Variants in CPQ observed in about 807,000 individuals in gnomAD.
CPQ encodes Ser-Met dipeptidase.
CPQ carries 37 observed loss-of-function variants against 45.7 expected under a neutral mutation model. That is an observed-to-expected ratio of 0.81 (90% confidence interval 0.62 to 1.07). The LOEUF is 1.07. Among genes scored for constraint, CPQ ranks in the 50% least tolerant of loss-of-function variants. The pLI, the probability that CPQ is intolerant of heterozygous loss-of-function variation, is 0.00. For missense variants in CPQ, 537 were observed against 572.9 expected, an observed-to-expected ratio of 0.94 and a Z score of 0.64; for synonymous variants, 186 against 205.8, an observed-to-expected ratio of 0.90 and a Z score of 0.82.
At chr8:97,058,701 G>A (rs1232313561) in intron 6 of CPQ, among the ~76,000 whole-genome samples, 1 of 152,098 alleles carries the variant, frequency 6.6e-6, no homozygotes, top group Non-Finnish European at 1.5e-5. Context: ...TTCTACAACT[G>A]CATACTGAAA....
At chr8:96,808,181 G>T (rs776910421) in intron 2 of CPQ, among the ~76,000 whole-genome samples, 12 of 152,304 alleles carry the variant, frequency 7.9e-5, no homozygotes, top group Non-Finnish European at 1.8e-4. Context: ...TAGGAAGTTT[G>T]ATAGGATTGT....
intron 7 of CPQ, among the ~76,000 whole-genome samples, chr8:97,121,826 G>A (rs1431367959): frequency 6.6e-6 from 1 of 151,974 alleles, no homozygotes; most frequent in Admixed American, 6.6e-5. Context: ...GGAATCAAAT[G>A]TAATTCTATA....
At chr8:96,953,492 TCTC>T (rs1813303037) in intron 4 of CPQ, among the ~76,000 whole-genome samples, 1 of 152,098 alleles carries the variant, frequency 6.6e-6, no homozygotes, top group African/African-American at 2.4e-5. Flanking sequence ...CTTACAGTCT[TCTC>T]TTCTCCAGTG....
At position 96,784,948 on chromosome 8, in the gene CPQ, G is replaced by T; in HGVS notation, c.51G>T (p.Leu17=). ...AFFGGVHLLS[L]CSGKAICKNG... Reference sequence around the variant, plus strand: ...TCGGTGGTGTTCACCTTTTATCCCTGTGCTCTGGGAAAGCTATATGCAAGA... The same window carrying T: ...TCGGTGGTGTTCACCTTTTATCCCTTTGCTCTGGGAAAGCTATATGCAAGA... Residue 17 remains leucine, a synonymous_variant, in exon 2 of 8, where the codon CTG becomes CTT. Transcript: ENST00000220763. 6.2e-7 allele frequency: 1 copy of T among 1,613,524 alleles called. No individual in the cohort carries two copies. The highest frequency in any genetic ancestry group is 8.5e-7 in the Non-Finnish European group (1 of 1,179,672).
chr8:96,878,225 C>T (rs548627361), intron 3 of CPQ, among the ~76,000 whole-genome samples: 42 of 152,230 alleles, frequency 2.8e-4, no homozygotes, highest in African/African-American at 1.0e-3. Context: ...CTCAGCCTCC[C>T]AATGTGCTGG....
At chr8:96,953,453 A>G (rs1813302168) in intron 4 of CPQ, among the ~76,000 whole-genome samples, 2 of 151,922 alleles carry the variant, frequency 1.3e-5, no homozygotes, top group Non-Finnish European at 2.9e-5. Flanking sequence ...GGGCAAGTCT[A>G]CTCTTCTTGC....
At chr8:97,133,031 TAA>T (rs1478083425) in intron 7 of CPQ, 2 of 152,108 alleles carry the variant, frequency 1.3e-5, no homozygotes, top group Non-Finnish European at 2.9e-5. Context: ...CAGAAAATTA[TAA>T]AGTCAAAGAT....
chr8:96,823,068 A>G (rs1325927806), intron 2 of CPQ, among the ~76,000 whole-genome samples: 2 of 152,012 alleles, frequency 1.3e-5, no homozygotes, highest in Admixed American at 6.6e-5. Flanking sequence ...GTCATCCAGG[A>G]TGGCTTCTTC....
rs187593760 is a variant in CPQ, at chr8:96,721,345, C to T, written c.-34-63519C>T. 6.6e-5 allele frequency among the ~76,000 whole-genome samples: 10 copies of T among 152,144 alleles called. No individual in the cohort carries two copies. The East Asian group carries it at 1.9e-3, about 30-fold the overall frequency. ...ATTACTTTGTGAGTTTTTATTCTCT[C>T]AGAGATTGCAGTCTTACACTGCCCC... is the stretch of plus-strand genomic sequence containing the variant. On this transcript the variant is annotated intron_variant, in intron 1 of 7. Transcript: ENST00000220763.
chr8:96,933,258 A>G (rs113761518), intron 4 of CPQ, among the ~76,000 whole-genome samples: 20 of 152,324 alleles, frequency 1.3e-4, no homozygotes, highest in African/African-American at 4.6e-4. Context: ...AGAAAACGCC[A>G]AGTGTGTAGC....
At chr8:97,105,118 G>A (rs1005468989) in intron 7 of CPQ, among the ~76,000 whole-genome samples, 2 of 152,202 alleles carry the variant, frequency 1.3e-5, no homozygotes, top group Non-Finnish European at 2.9e-5. Context: ...TGATTAGCAT[G>A]CAGACAGCTC....
chr8:96,925,978 G>A (rs1361045256), intron 4 of CPQ, among the ~76,000 whole-genome samples: 2 of 152,154 alleles, frequency 1.3e-5, no homozygotes, highest in Non-Finnish European at 2.9e-5. Flanking sequence ...ATGAGCCACC[G>A]CGCCCGGCTG....
chr8:96,920,015 TATTGG>T (rs1244042899), intron 4 of CPQ, among the ~76,000 whole-genome samples: 1 of 152,190 alleles, frequency 6.6e-6, no homozygotes, highest in Non-Finnish European at 1.5e-5. Flanking sequence ...ATACAAACAT[TATTGG>T]TCTGTATGAA....
At chr8:97,115,145 G>A (rs1811562909) in intron 7 of CPQ, among the ~76,000 whole-genome samples, 6 of 152,180 alleles carry the variant, frequency 3.9e-5, no homozygotes, top group Admixed American at 3.9e-4. Context: ...AAGCTTATTA[G>A]CATCCTGCTC....
At chr8:96,759,933 T>C (rs533096306) in intron 1 of CPQ, among the ~76,000 whole-genome samples, 3 of 152,136 alleles carry the variant, frequency 2.0e-5, no homozygotes, top group East Asian at 1.9e-4. Context: ...CCCCGTTACA[T>C]AGAGGGGAAC....
chr8:96,838,307 G>C (rs1811557556), intron 3 of CPQ, among the ~76,000 whole-genome samples: 1 of 152,084 alleles, frequency 6.6e-6, no homozygotes, highest in African/African-American at 2.4e-5. Context: ...GGTTTCAAGG[G>C]GGTGGTCAGA....
chr8:96,863,641 T>C (rs1216426476), intron 3 of CPQ, among the ~76,000 whole-genome samples: 1 of 152,100 alleles, frequency 6.6e-6, no homozygotes, highest in Non-Finnish European at 1.5e-5. Context: ...TATATGCATT[T>C]GCTTCATTAA....
intron 1 of CPQ, among the ~76,000 whole-genome samples, chr8:96,688,692 G>A (rs1809267171): frequency 1.3e-5 from 2 of 151,976 alleles, no homozygotes; most frequent in African/African-American, 4.8e-5. Flanking sequence ...CTTCATGTAT[G>A]CCTCTTTATA....
At chr8:96,683,283 G>T (rs566022960) in intron 1 of CPQ, among the ~76,000 whole-genome samples, 17 of 152,154 alleles carry the variant, frequency 1.1e-4, no homozygotes, top group Admixed American at 3.9e-4. Context: ...GATTTGCTAG[G>T]TATGGTATTC....
Sources: allele counts gnomAD v4.1 joint callset (sites outside exome capture counted in the v4.1 genomes callset), GRCh38; gene constraint gnomAD v4.1.1; transcripts MANE v1.5; gene names NCBI Gene and HGNC (gene_info 2026-07-23, HGNC 2026-07-21).